Variants in SPANXN3 observed in about 807,000 individuals in gnomAD.
SPANXN3 encodes the protein SPANX family member N3.
Under a neutral mutation model 1.9 loss-of-function variants are expected in SPANXN3, and 1 was observed. The ratio of observed to expected loss-of-function variants is 0.54; its 90% CI spans 0.19 to 2.54. SPANXN3 has a LOEUF of 2.54. Ranked by LOEUF, SPANXN3 falls within the 30% of genes most tolerant of loss-of-function variation. The probability of loss-of-function intolerance (pLI) is 0.24; values close to 1 mark genes in which losing one functional copy is unlikely to be tolerated. For missense variants in SPANXN3, 113 were observed against 96.2 expected (o/e 1.17, Z -0.73); for synonymous variants, 47 against 40.0 (o/e 1.17, Z -0.66).
At chrX:143,514,704 C>A (rs184324953) in intron 1 of SPANXN3, among the ~76,000 whole-genome samples, 1 of 111,468 alleles carries the variant, frequency 9.0e-6, no homozygotes, top group South Asian at 3.9e-4. Context: ...GGTTTAAACT[C>A]CCCTCTTGCA....
chrX:143,513,612 C>A (rs6529146), intron 1 of SPANXN3, among the ~76,000 whole-genome samples: 52,281 of 109,947 alleles, frequency 0.48, 9,544 homozygotes, highest in East Asian at 0.6. Flanking sequence ...CTAGGTAGCC[C>A]TCTAATCCCC....
At chrX:143,514,704 C>T (rs184324953) in intron 1 of SPANXN3, among the ~76,000 whole-genome samples, 1 of 111,415 alleles carries the variant, frequency 9.0e-6, no homozygotes, top group Non-Finnish European at 1.9e-5. Context: ...GGTTTAAACT[C>T]CCCTCTTGCA....
chrX:143,516,842 A>G (rs5908677), intron 1 of SPANXN3: 36,673 of 118,889 alleles, frequency 0.31, 4,246 homozygotes, highest in Non-Finnish European at 0.32. Flanking sequence ...CTTTTATACT[A>G]AAGTAGAAGG....
At chrX:143,511,355 CTT>C (rs1179653800) in intron 1 of SPANXN3, among the ~76,000 whole-genome samples, 1 of 111,588 alleles carries the variant, frequency 9.0e-6, no homozygotes, top group African/African-American at 3.3e-5. Flanking sequence ...CGCCCCTGCT[CTT>C]TTCCTCTCCC....
In SPANXN3 at chrX:143,508,894, T is replaced by C; in HGVS notation, c.347A>G (p.Asp116Gly). The stretch of plus-strand genomic sequence containing the variant: ...CTCCTGTGAGGATCCTTCAGATGAG[T>C]CTAGATCTTTGTCCTCCTTTGAAGG... ...EGPSKEDKDL[D>G]SSEGSSQEDE... The change falls in exon 2 of 2, where the codon GAC becomes GGC. Residue 116 changes from aspartate to glycine, a missense_variant. Transcript: ENST00000370503. 8.3e-7 allele frequency: 1 copy of C among 1,211,447 alleles called. No homozygotes were observed. Among genetic ancestry groups the C allele is most frequent in the Non-Finnish European group, 1.1e-6 (1 of 895,338 alleles).
At chrX:143,514,124 C>T (rs1354125143) in intron 1 of SPANXN3, among the ~76,000 whole-genome samples, 3 of 111,716 alleles carry the variant, frequency 2.7e-5, no homozygotes, top group African/African-American at 6.5e-5. Context: ...CAAGGGGTGC[C>T]GAAAGTCTAA....
chrX:143,514,493 C>T (rs1412353580), intron 1 of SPANXN3, among the ~76,000 whole-genome samples: 3 of 111,578 alleles, frequency 2.7e-5, no homozygotes, highest in South Asian at 3.8e-4. Context: ...TATCAAACCA[C>T]CTCCTTTCCA....
intron 1 of SPANXN3, among the ~76,000 whole-genome samples, chrX:143,511,602 A>G (rs781795823): frequency 3.0e-4 from 34 of 111,785 alleles, no homozygotes; most frequent in Non-Finnish European, 5.8e-4. Flanking sequence ...GGGCCAGGCT[A>G]AATATCAAAT....
chrX:143,516,696 C>T (rs1356599215), intron 1 of SPANXN3: 1 of 113,327 alleles, frequency 8.8e-6, no homozygotes, highest in Non-Finnish European at 1.8e-5. Context: ...CCATCCTTCT[C>T]CTCTGCCAAG....
At chrX:143,509,285 G>T (rs1361462971) in intron 1 of SPANXN3, 123 bp from the exon 2 acceptor site, 2 of 560,476 alleles carry the variant, frequency 3.6e-6, no homozygotes, top group Non-Finnish European at 5.9e-6. Context: ...TGCCAGAGAA[G>T]AACAAGGTGA....
chrX:143,514,053 A>G (rs1929159749), intron 1 of SPANXN3, among the ~76,000 whole-genome samples: 1 of 112,153 alleles, frequency 8.9e-6, no homozygotes, highest in African/African-American at 3.3e-5. Flanking sequence ...AGAAATGGCA[A>G]ACTTATACAT....
chrX:143,509,013 G>T lies in SPANXN3; in HGVS notation c.228C>A (p.Asn76Lys). The T allele has an allele frequency of 8.3e-7, 1 of 1,211,980 alleles. No homozygotes were observed. Among genetic ancestry groups the T allele is most frequent in the African/African-American group, 1.7e-5 (1 of 57,860 alleles). ...NQLENEQSQE[N>K]SINPIQKEED... ...CCTCCTTTTGGATTGGATTGATGGA[G>T]TTCTCTTGGGACTGTTCATTCTCCA... Residue 76 changes from asparagine to lysine, a missense_variant, in exon 2 of 2, where the codon AAC (asparagine) becomes AAA (lysine). By Grantham distance (94) the Asn-to-Lys change is moderately conservative (BLOSUM62 0). Coordinates refer to ENST00000370503, the MANE Select transcript of SPANXN3 (RefSeq NM_001009609.4).
At chrX:143,513,354 A>G (rs1424001239) in intron 1 of SPANXN3, among the ~76,000 whole-genome samples, 10 of 112,117 alleles carry the variant, frequency 8.9e-5, no homozygotes, top group African/African-American at 2.3e-4. Flanking sequence ...TGCCAAACAT[A>G]CGGCAACGCC....
At chrX:143,514,081 T>C (rs1929160511) in intron 1 of SPANXN3, among the ~76,000 whole-genome samples, 1 of 112,028 alleles carries the variant, frequency 8.9e-6, no homozygotes. Flanking sequence ...TGGGGGTGGA[T>C]AAACTACCAC....
chrX:143,516,607 A>G (rs1929220101), intron 1 of SPANXN3: 1 of 111,918 alleles, frequency 8.9e-6, no homozygotes, highest in Non-Finnish European at 1.9e-5. Context: ...TGGCCCATGT[A>G]TATTTACCTT....
intron 1 of SPANXN3, among the ~76,000 whole-genome samples, chrX:143,512,111 C>T (rs1556411814): frequency 9.0e-6 from 1 of 110,752 alleles, no homozygotes; most frequent in East Asian, 2.9e-4. Context: ...CCTGGTTATC[C>T]CTCAGTCCCC....
chrX:143,510,720 A>G (rs1556411581), intron 1 of SPANXN3, among the ~76,000 whole-genome samples: 1 of 109,449 alleles, frequency 9.1e-6, no homozygotes, highest in East Asian at 2.9e-4. Context: ...AACCCCCCAA[A>G]ATGCCTCCTC....
At chrX:143,513,248 G>A (rs1195122227) in intron 1 of SPANXN3, among the ~76,000 whole-genome samples, 2 of 111,693 alleles carry the variant, frequency 1.8e-5, no homozygotes, top group African/African-American at 6.5e-5. Flanking sequence ...ACTTAAAAAT[G>A]CCCTTTTAAT....
chrX:143,510,158 G>C (rs1468997155), intron 1 of SPANXN3: 1 of 111,144 alleles, frequency 9.0e-6, no homozygotes, highest in Non-Finnish European at 1.9e-5. Context: ...CCCATTGCTG[G>C]ACATCACATC....
Sources: gnomAD v4.1 joint callset for allele counts (sites outside exome capture counted in the v4.1 genomes callset) on GRCh38, gnomAD v4.1.1 for gene constraint, MANE v1.5 for transcripts, NCBI Gene and HGNC (gene_info 2026-07-23, HGNC 2026-07-21) for gene names.